The following CENPT variants were observed in gnomAD, a reference collection of about 807,000 sequenced individuals.
CENPT encodes interphase centromere complex protein 22.
Under a neutral mutation model 59.7 loss-of-function variants are expected in CENPT, and 42 were observed. The ratio of observed to expected loss-of-function variants is 0.70; its 90% CI spans 0.55 to 0.91. The LOEUF (loss-of-function observed/expected upper bound fraction) is 0.91, where lower values mean the gene tolerates loss of function less well. Among genes scored for constraint, CENPT ranks in the 40% least tolerant of loss-of-function variants. The pLI, the probability that CENPT is intolerant of heterozygous loss-of-function variation, is 0.00. For missense variants in CENPT, 716 were observed against 713.4 expected, an observed-to-expected ratio of 1.00 and a Z score of -0.04; for synonymous variants, 295 against 289.6, an observed-to-expected ratio of 1.02 and a Z score of -0.19.
At position 67,833,867 on chromosome 16, in the gene CENPT, G is replaced by A. The variant is rs768897268; in HGVS notation, c.-8C>T. The A allele has an allele frequency of 1.5e-5, 22 of 1,501,372 alleles. No individual in the cohort carries two copies. The African/African-American group carries it at 2.3e-4, about 16-fold the overall frequency. 93.0% of individuals were successfully genotyped at this position (1,501,372 alleles called of 1,614,324 possible). On this transcript the variant is annotated 5_prime_UTR_variant, in exon 4 of 16. Transcript: ENST00000562787. ...AGGGTTGTGGTCAGCCATCGTCTCGGCCCCGGGCCCTCCTAACCGCCCAGC... is the reference window on the plus strand; with the variant it reads ...AGGGTTGTGGTCAGCCATCGTCTCGACCCCGGGCCCTCCTAACCGCCCAGC...
chr16:67,843,145 A>C lies in CENPT; in HGVS notation c.-492+4256T>G. 1 of 1,609,726 alleles carries C rather than the reference A, an allele frequency of 6.2e-7. No individual in the cohort carries two copies. The highest frequency in any genetic ancestry group is 1.1e-5 in the South Asian group (1 of 91,056). On this transcript the variant is annotated intron_variant, in intron 1 of 15. Transcript: ENST00000562787. The surrounding 1 kb of genome is among the most constrained non-coding windows in gnomAD (Gnocchi z 5.7). ...ATCTCACAGTGCAAGTGGAGTTTGC[A>C]GCCGCAGAGGGCGCAGCCGCTGCGG...
intron 1 of CENPT, among the ~76,000 whole-genome samples, chr16:67,840,173 C>T (rs2057752646): frequency 6.6e-6 from 1 of 152,012 alleles, no homozygotes; most frequent in South Asian, 2.1e-4. Context: ...AAAAAATTAG[C>T]CGGGCACGGT....
chr16:67,835,914 G>A (rs557363307), intron 1 of CENPT, among the ~76,000 whole-genome samples: 42 of 149,896 alleles, frequency 2.8e-4, no homozygotes, highest in African/African-American at 1.0e-3. Flanking sequence ...GCACCACCAC[G>A]CCCAGCTAAT....
At chr16:67,836,259 A>G (rs1191836528) in intron 1 of CENPT, among the ~76,000 whole-genome samples, 1 of 145,556 alleles carries the variant, frequency 6.9e-6, no homozygotes, top group Non-Finnish European at 1.5e-5. Context: ...ACGGGGTTTC[A>G]CCATGTTGGC....
intron 10 of CENPT, 160 bp downstream of exon 10, chr16:67,831,056 G>T: frequency 1.1e-6 from 1 of 908,140 alleles, no homozygotes; most frequent in Non-Finnish European, 1.7e-6. Context: ...GAGGCCCCCT[G>T]TAGAAAGCAA....
chr16:67,828,893 T>C (rs569651133), intron 13 of CENPT, 50 bp from the exon 14 acceptor site: 4 of 1,522,414 alleles, frequency 2.6e-6, no homozygotes, highest in Middle Eastern at 1.8e-4. Context: ...AAGGAGGCTC[T>C]TATTCAAGAG....
At chr16:67,845,887 G>A (rs1389849694) in intron 1 of CENPT, among the ~76,000 whole-genome samples, 1 of 152,224 alleles carries the variant, frequency 6.6e-6, no homozygotes, top group South Asian at 2.1e-4. Context: ...GCCATCTCTT[G>A]GAGGGGTAGC....
intron 1 of CENPT, among the ~76,000 whole-genome samples, chr16:67,840,674 C>T (rs2057755023): frequency 6.6e-6 from 1 of 151,910 alleles, no homozygotes; most frequent in African/African-American, 2.4e-5. Context: ...ATCTGTACAA[C>T]AAATCGCGGT....
rs1331144838 is a variant in CENPT, at chr16:67,843,421, G to A, written c.-492+3980C>T. ...GCATTCGCCACCTGCGTCTCACTGA[G>A]GCCAAGCTGCGCGAAGAACTGCGTG... On this transcript the variant is annotated intron_variant, in intron 1 of 15. Coordinates refer to ENST00000562787, the MANE Select transcript of CENPT (RefSeq NM_025082.4). The surrounding 1 kb of genome is among the most constrained non-coding windows in gnomAD (Gnocchi z 5.7). The A allele has an allele frequency of 6.2e-7, 1 of 1,614,116 alleles. No homozygotes were observed. The highest frequency in any genetic ancestry group is 8.5e-7 in the Non-Finnish European group (1 of 1,180,042).
chr16:67,828,314 G>C lies in CENPT; in HGVS notation c.1639C>G (p.Leu547Val), dbSNP rs772712788. The C allele has an allele frequency of 6.2e-7, 1 of 1,608,970 alleles. No individual in the cohort carries two copies. The highest frequency in any genetic ancestry group is 8.5e-7 in the Non-Finnish European group (1 of 1,176,130). The change falls in exon 16 of 16, where the codon CTC becomes GTC. Residue 547 changes from leucine (L) to valine (V), a missense_variant. Leu to Val is a conservative substitution (Grantham distance 32, BLOSUM62 1). Transcript: ENST00000562787. ...RHLPLEYRQL[L>V]IPCAYSGNSV... Reference sequence around the variant, plus strand: ...TTGCCACTGTATGCACAGGGGATGAGCAGCTGCCGGTACTCCAGGGGCAGG... The same window carrying C: ...TTGCCACTGTATGCACAGGGGATGACCAGCTGCCGGTACTCCAGGGGCAGG...
intron 1 of CENPT, among the ~76,000 whole-genome samples, chr16:67,836,975 T>C (rs542217103): frequency 6.6e-6 from 1 of 152,192 alleles, no homozygotes; most frequent in South Asian, 2.1e-4. Flanking sequence ...TCTCCTGACC[T>C]TGTGATCTGC....
intron 10 of CENPT, 149 bp downstream of exon 10, chr16:67,831,067 G>A (rs2057682823): frequency 1.0e-6 from 1 of 994,120 alleles, no homozygotes; most frequent in East Asian, 2.4e-5. Context: ...TAGAAAGCAA[G>A]CAGAAATTCC....
chr16:67,832,246 T>C lies in CENPT; in HGVS notation c.271A>G (p.Lys91Glu). Residue 91 changes from lysine to glutamate, a missense_variant, in exon 6 of 16, where the codon AAG becomes GAG. Physicochemically the swap from Lys to Glu is moderately conservative, Grantham distance 56 (BLOSUM62 1). Transcript: ENST00000562787. ...CACTTACCAGTTAGTAGGATGTTCT[T>C]CAGCAGCGTCCGAGGTGTCTGTTCC... Reference protein sequence around the residue: ...LEEQTPRTLLKNILLTAPESS... With the variant: ...LEEQTPRTLLENILLTAPESS... 1 of 1,614,182 alleles carries C rather than the reference T, an allele frequency of 6.2e-7. No homozygotes were observed. The highest frequency in any genetic ancestry group is 8.5e-7 in the Non-Finnish European group (1 of 1,180,022).
intron 1 of CENPT, among the ~76,000 whole-genome samples, chr16:67,836,367 G>C (rs2057734900): frequency 6.6e-6 from 1 of 151,808 alleles, no homozygotes; most frequent in Non-Finnish European, 1.5e-5. Flanking sequence ...GCCCCAGCCT[G>C]CAGTTTTAAA....
intron 1 of CENPT, among the ~76,000 whole-genome samples, chr16:67,837,217 C>T (rs1598147230): frequency 6.6e-6 from 1 of 151,224 alleles, no homozygotes; most frequent in Admixed American, 6.6e-5. Flanking sequence ...CTGTCACCCG[C>T]GCTGGAGTGC....
rs757632498 is a variant in CENPT at position 67,833,850 on chromosome 16, G to A, written c.10C>T (p.His4Tyr). Residue 4 changes from histidine to tyrosine, a missense_variant, in exon 4 of 16, where the codon CAC becomes TAC. His to Tyr is a moderately conservative substitution (Grantham distance 83). Coordinates refer to ENST00000562787, the MANE Select transcript of CENPT (RefSeq NM_025082.4). ...GGCGTGGAGTCGCTGTCAGGGTTGT[G>A]GTCAGCCATCGTCTCGGCCCCGGGC... The part of the protein sequence containing the change: MAD[H>Y]NPDSDSTPRT... 2.4e-5 allele frequency: 38 copies of A among 1,555,604 alleles called. 1 individual carries two copies. Among genetic ancestry groups the A allele is most frequent in the Middle Eastern group, 3.4e-4 (2 of 5,872 alleles).
At position 67,843,008 on chromosome 16, in the gene CENPT, G is replaced by A; in HGVS notation, c.-492+4393C>T. On this transcript the variant is annotated intron_variant, in intron 1 of 15. Transcript: ENST00000562787. This position sits in a 1 kb window ranked among gnomAD's most constrained non-coding sequence, Gnocchi z 5.7. ...CCAGCTGCAGCCGAACCTGGTATCTGCTTCCGCGGCCGTGCTTCTCACCCT... is the reference window on the plus strand; with the variant it reads ...CCAGCTGCAGCCGAACCTGGTATCTACTTCCGCGGCCGTGCTTCTCACCCT... 3 of 1,612,574 alleles carry A rather than the reference G, an allele frequency of 1.9e-6. No homozygotes were observed. Among genetic ancestry groups the A allele is most frequent in the Non-Finnish European group, 2.5e-6 (3 of 1,180,022 alleles).
At chr16:67,831,969 A>G (rs2057694967) in intron 7 of CENPT, 43 bp downstream of exon 7, 1 of 1,588,644 alleles carries the variant, frequency 6.3e-7, no homozygotes, top group South Asian at 1.1e-5. Flanking sequence ...CTCCCGGACT[A>G]AGCTGCCCAT....
Position 67,843,497 on chromosome 16 carries a change from T to A in CENPT, c.-492+3904A>T. The A allele has an allele frequency of 6.2e-7, 1 of 1,605,230 alleles. No homozygotes were observed. The highest frequency in any genetic ancestry group is 1.7e-4 in the Middle Eastern group (1 of 6,036). ...TGTCATCCGCAAGAAGCACGGAATG[T>A]GAACTGGTGCCCCGGCAGCCTGCTG... is the stretch of plus-strand genomic sequence containing the variant. On this transcript the variant is annotated intron_variant, in intron 1 of 15. Transcript: ENST00000562787. This position sits in a 1 kb window ranked among gnomAD's most constrained non-coding sequence, Gnocchi z 5.7.
Sources: allele counts gnomAD v4.1 joint callset (sites outside exome capture counted in the v4.1 genomes callset), GRCh38; gene constraint gnomAD v4.1.1; non-coding constraint Gnocchi (gnomAD v3.1); transcripts MANE v1.5; gene names NCBI Gene and HGNC (gene_info 2026-07-23, HGNC 2026-07-21).